CRISPLD2: variants seen among roughly 807,000 people sequenced by gnomAD.
The protein encoded by CRISPLD2 is cysteine-rich secretory protein LCCL domain-containing 2.
CRISPLD2 carries 47 observed loss-of-function variants against 71.1 expected under a neutral mutation model. The observed-to-expected ratio is 0.66, with a 90% confidence interval of 0.52 to 0.84. The LOEUF is 0.84. CRISPLD2 is among the 40% of genes least tolerant of loss of function. CRISPLD2 has a pLI of 0.00. For synonymous variants in CRISPLD2, 317 were observed against 250.1 expected, an observed-to-expected ratio of 1.27 and a Z score of -2.52; for missense variants, 830 against 651.1, an observed-to-expected ratio of 1.27 and a Z score of -2.99.
chr16:84,898,989 C>T (rs557907768), intron 14 of CRISPLD2, among the ~76,000 whole-genome samples: 1 of 152,268 alleles, frequency 6.6e-6, no homozygotes, highest in Non-Finnish European at 1.5e-5. Context: ...CACTCCTGGA[C>T]TCAAGCAATC....
chr16:84,834,853 G>T (rs1319344735), intron 1 of CRISPLD2, among the ~76,000 whole-genome samples: 2 of 151,998 alleles, frequency 1.3e-5, no homozygotes, highest in African/African-American at 2.4e-5. Context: ...TTCTAGTAAG[G>T]ACACCAGTCA....
intron 3 of CRISPLD2, among the ~76,000 whole-genome samples, chr16:84,846,428 T>G (rs189408521): frequency 1.8e-4 from 28 of 152,146 alleles, no homozygotes; most frequent in African/African-American, 6.7e-4. Context: ...AATTTTTGTA[T>G]TTTTTGGTAG....
At chr16:84,867,719 A>T (rs2143273116) in intron 7 of CRISPLD2, among the ~76,000 whole-genome samples, 1 of 152,240 alleles carries the variant, frequency 6.6e-6, no homozygotes, top group East Asian at 1.9e-4. Context: ...GGTGCCCACC[A>T]CTATGCCCAG....
chr16:84,884,561 C>T (rs1286999583), intron 13 of CRISPLD2, among the ~76,000 whole-genome samples: 1 of 152,190 alleles, frequency 6.6e-6, no homozygotes, highest in Admixed American at 6.5e-5. Flanking sequence ...ATTCCTGTTG[C>T]AGTGGGCCCT....
At chr16:84,845,084 A>T (rs16974705) in intron 2 of CRISPLD2, among the ~76,000 whole-genome samples, 2,990 of 152,298 alleles carry the variant, frequency 0.02, 88 homozygotes, top group African/African-American at 0.068. Flanking sequence ...TGGTCCACAC[A>T]TAACTGCGTA....
At chr16:84,845,476 C>T (rs560588842) in intron 2 of CRISPLD2, among the ~76,000 whole-genome samples, 74 of 152,344 alleles carry the variant, frequency 4.9e-4, no homozygotes, top group African/African-American at 1.8e-3. Flanking sequence ...TTCCACACAG[C>T]GTGCCGTGTT....
chr16:84,844,874 C>T (rs905542422), intron 2 of CRISPLD2, among the ~76,000 whole-genome samples: 8 of 152,148 alleles, frequency 5.3e-5, no homozygotes, highest in Admixed American at 5.2e-4. Context: ...TGTAGGCTTC[C>T]CCTCCCCATT....
At chr16:84,861,042 T>G (rs1226326873) in intron 6 of CRISPLD2, among the ~76,000 whole-genome samples, 1 of 152,192 alleles carries the variant, frequency 6.6e-6, no homozygotes, top group Admixed American at 6.5e-5. Context: ...GTATTCAGTC[T>G]AGAGTCACTG....
chr16:84,900,815 G>A (rs2071746989), intron 14 of CRISPLD2, among the ~76,000 whole-genome samples: 1 of 152,146 alleles, frequency 6.6e-6, no homozygotes, highest in Non-Finnish European at 1.5e-5. Flanking sequence ...ACTTTGGGAG[G>A]CTGAGACGGA....
chr16:84,849,334 T>C, intron 3 of CRISPLD2, 51 bp from the exon 4 acceptor site: 1 of 1,555,986 alleles, frequency 6.4e-7, no homozygotes. Flanking sequence ...CTGTCTCCAC[T>C]GGTGGGTGAG....
chr16:84,864,365 C>T (rs573892633), intron 6 of CRISPLD2, among the ~76,000 whole-genome samples: 81 of 152,256 alleles, frequency 5.3e-4, no homozygotes, highest in African/African-American at 1.6e-3. Context: ...TGCTTTAGAC[C>T]GCTTTACCAA....
chr16:84,906,604 G>C lies in CRISPLD2; in HGVS notation c.1456G>C (p.Asp486His). ...VQSESLGTPRDGKAFRIFAVR... is the reference protein window; with the variant it reads ...VQSESLGTPRHGKAFRIFAVR... ...TTTTTTCAGCCTGGGGACTCCTCGG[G>C]ATGGAAAGGCCTTCCGGATCTTTGC... Residue 486 changes from aspartate to histidine, a missense_variant, in exon 15 of 15, where the codon GAT becomes CAT. Coordinates refer to ENST00000262424, the MANE Select transcript of CRISPLD2 (RefSeq NM_031476.4). The C allele has an allele frequency of 6.2e-7, 1 of 1,613,412 alleles. No individual in the cohort carries two copies. The highest frequency in any genetic ancestry group is 8.5e-7 in the Non-Finnish European group (1 of 1,180,048).
rs566065549 is a variant in CRISPLD2, at chr16:84,870,830, G to A, written c.915-1612G>A. Among the ~76,000 whole-genome samples, 44 of 152,072 alleles carry A rather than the reference G, an allele frequency of 2.9e-4. No individual in the cohort carries two copies. The South Asian group carries it at 8.3e-3, about 29-fold the overall frequency. The stretch of plus-strand genomic sequence containing the variant: ...TCCCAGCACTTTGGGAGGCCGAGGC[G>A]GGTGGATCACTTAAGGCCAAGAGTT... On this transcript the variant is annotated intron_variant, in intron 8 of 14. Coordinates refer to ENST00000262424, the MANE Select transcript of CRISPLD2 (RefSeq NM_031476.4).
chr16:84,848,647 G>A (rs1239346752), intron 3 of CRISPLD2, among the ~76,000 whole-genome samples: 2 of 152,074 alleles, frequency 1.3e-5, no homozygotes, highest in Non-Finnish European at 2.9e-5. Flanking sequence ...CGCCATGTCG[G>A]CCAGGCTGGT....
chr16:84,848,691 T>C (rs1432766997), intron 3 of CRISPLD2, among the ~76,000 whole-genome samples: 2 of 152,138 alleles, frequency 1.3e-5, no homozygotes, highest in African/African-American at 4.8e-5. Flanking sequence ...TCCTACCGCC[T>C]CAGCCTCCCA....
intron 11 of CRISPLD2, among the ~76,000 whole-genome samples, chr16:84,876,073 G>C (rs934995178): frequency 1.3e-5 from 2 of 152,182 alleles, no homozygotes; most frequent in African/African-American, 4.8e-5. Flanking sequence ...TGTAAATAAA[G>C]TTTTATTGGA....
At chr16:84,868,706 C>T (rs1008583330) in intron 7 of CRISPLD2, 145 bp from the exon 8 acceptor site, 18 of 693,734 alleles carry the variant, frequency 2.6e-5, no homozygotes, top group Non-Finnish European at 4.5e-5. Flanking sequence ...CCAGCGGAAG[C>T]CTGCAACCAT....
chr16:84,838,959 A>C (rs1336238432), intron 2 of CRISPLD2: 8 of 697,802 alleles, frequency 1.1e-5, no homozygotes, highest in Non-Finnish European at 2.0e-5. Context: ...CACAATCGTC[A>C]TGCCCTGAAA....
chr16:84,868,392 T>A (rs774196), intron 7 of CRISPLD2, among the ~76,000 whole-genome samples: 57,150 of 151,948 alleles, frequency 0.38, 11,386 homozygotes, highest in East Asian at 0.65. Context: ...ATCTTGGCGA[T>A]GGGGGAGATG....
Sources: gnomAD v4.1 joint callset for allele counts (sites outside exome capture counted in the v4.1 genomes callset) on GRCh38, gnomAD v4.1.1 for gene constraint, MANE v1.5 for transcripts, NCBI Gene and HGNC (gene_info 2026-07-23, HGNC 2026-07-21) for gene names.